Variants in ITGAM observed in about 807,000 individuals in gnomAD.
ITGAM encodes the protein integrin alpha-M.
Under a neutral mutation model 137.5 loss-of-function variants are expected in ITGAM, and 79 were observed. The ratio of observed to expected loss-of-function variants is 0.57; its 90% CI spans 0.48 to 0.69. ITGAM has a LOEUF of 0.69. Among genes scored for constraint, ITGAM ranks in the 30% least tolerant of loss-of-function variants. The pLI, the probability that ITGAM is intolerant of heterozygous loss-of-function variation, is 0.00. For missense variants in ITGAM, 1,343 were observed against 1,483.5 expected (o/e 0.91, Z 1.56); for synonymous variants, 583 against 592.3 (o/e 0.98, Z 0.23).
chr16:31,277,502 G>T (rs1454474779), intron 11 of ITGAM, among the ~76,000 whole-genome samples: 2 of 152,060 alleles, frequency 1.3e-5, no homozygotes, highest in Admixed American at 1.3e-4. Flanking sequence ...GGAATTACAG[G>T]CATGTGCCAC....
rs61202942 is a variant in ITGAM at position 31,298,204 on chromosome 16, C to CAAAA, written c.1707+271_1707+274dup. On this transcript the variant is annotated intron_variant, in intron 14 of 29. Coordinates refer to ENST00000544665, the MANE Select transcript of ITGAM (RefSeq NM_000632.4). ...GCAACATGGTGAGAACCCATCTCTC[C>CAAAA]AAAAAAAAAAAAAAAAAAAAAAAAT... 6.0e-3 allele frequency among the ~76,000 whole-genome samples: 463 copies of CAAAA among 77,626 alleles called. 2 individuals carry two copies. The highest frequency in any genetic ancestry group is 0.034 in the South Asian group (71 of 2,084). 50.9% of individuals were successfully genotyped at this position (77,626 alleles called of 152,430 possible). A position where few individuals can be genotyped will look rare whatever the true frequency, so the allele number is the denominator to read the frequency against.
intron 29 of ITGAM, 34 bp from the exon 30 acceptor site, chr16:31,331,602 G>A (rs1364347008): frequency 8.3e-6 from 13 of 1,563,240 alleles, no homozygotes; most frequent in Non-Finnish European, 1.1e-5. Flanking sequence ...CTCCCTGGCT[G>A]CTGTCGCTCT....
At chr16:31,312,556 G>A (rs531200412) in intron 14 of ITGAM, among the ~76,000 whole-genome samples, 1 of 152,088 alleles carries the variant, frequency 6.6e-6, no homozygotes, top group South Asian at 2.1e-4. Context: ...CCTCCTAAGT[G>A]TCTTTGACTG....
intron 2 of ITGAM, among the ~76,000 whole-genome samples, 200 bp downstream of exon 2, chr16:31,261,997 C>A (rs1312592851): frequency 6.6e-6 from 1 of 152,054 alleles, no homozygotes; most frequent in African/African-American, 2.4e-5. Flanking sequence ...TTCCTTACTC[C>A]CTTCCCCTAG....
At chr16:31,299,822 C>T (rs1232926589) in intron 14 of ITGAM, among the ~76,000 whole-genome samples, 4 of 137,368 alleles carry the variant, frequency 2.9e-5, no homozygotes, top group Non-Finnish European at 6.3e-5. Context: ...CCTCCCCCTC[C>T]TCCCCCTCCT....
intron 14 of ITGAM, among the ~76,000 whole-genome samples, chr16:31,303,620 C>T (rs2080237557): frequency 6.6e-6 from 1 of 152,138 alleles, no homozygotes; most frequent in African/African-American, 2.4e-5. Flanking sequence ...ACTCCCCTTC[C>T]CCAAGTCCTC....
chr16:31,310,267 C>T (rs2080311836), intron 14 of ITGAM, among the ~76,000 whole-genome samples: 1 of 152,190 alleles, frequency 6.6e-6, no homozygotes, highest in Non-Finnish European at 1.5e-5. Flanking sequence ...GGAAGTTCTC[C>T]TGGATAATAT....
intron 1 of ITGAM, 59 bp from the exon 2 acceptor site, chr16:31,261,633 C>T (rs1332368415): frequency 3.6e-6 from 4 of 1,100,718 alleles, no homozygotes; most frequent in African/African-American, 3.1e-5. Context: ...GCTAGGACTA[C>T]AGCCCCTAAC....
intron 12 of ITGAM, among the ~76,000 whole-genome samples, chr16:31,284,406 C>T (rs1448806985): frequency 6.6e-6 from 1 of 152,282 alleles, no homozygotes; most frequent in East Asian, 1.9e-4. Context: ...CTTTGTTTAC[C>T]TACTCAAGCC....
Position 31,297,831 on chromosome 16 carries a change from G to T in ITGAM, c.1584G>T (p.Gly528=). 6.2e-7 allele frequency: 1 copy of T among 1,613,914 alleles called. No homozygotes were observed. Among genetic ancestry groups the T allele is most frequent in the Non-Finnish European group, 8.5e-7 (1 of 1,179,898 alleles). Residue 528 remains glycine, a synonymous_variant, in exon 14 of 30, where the codon GGG becomes GGT. Coordinates refer to ENST00000544665, the MANE Select transcript of ITGAM (RefSeq NM_000632.4). ...TTGGGGCAGCCCTAACAGTGCTGGGGGACGTAAATGGGGACAAGCTGACGG... is the reference window on the plus strand; with the variant it reads ...TTGGGGCAGCCCTAACAGTGCTGGGTGACGTAAATGGGGACAAGCTGACGG... ...GRFGAALTVL[G]DVNGDKLTDV...
intron 14 of ITGAM, among the ~76,000 whole-genome samples, chr16:31,306,735 C>G (rs2080268698): frequency 6.6e-6 from 1 of 152,118 alleles, no homozygotes; most frequent in Non-Finnish European, 1.5e-5. Flanking sequence ...TGGTCTCGAA[C>G]TACTGACCTT....
At chr16:31,309,913 G>A (rs1044450670) in intron 14 of ITGAM, among the ~76,000 whole-genome samples, 12 of 152,114 alleles carry the variant, frequency 7.9e-5, no homozygotes, top group African/African-American at 2.4e-4. Context: ...CACTTATGAA[G>A]CTTAGTTTGG....
intron 12 of ITGAM, among the ~76,000 whole-genome samples, chr16:31,296,755 C>G (rs1332534166): frequency 6.6e-6 from 1 of 152,060 alleles, no homozygotes; most frequent in Non-Finnish European, 1.5e-5. Context: ...TCTCTATTAC[C>G]CAGCTGTGTG....
At chr16:31,267,056 C>T (rs545765208) in intron 5 of ITGAM, among the ~76,000 whole-genome samples, 5 of 152,004 alleles carry the variant, frequency 3.3e-5, no homozygotes, top group Non-Finnish European at 7.4e-5. Context: ...TTAGCAGAGA[C>T]GGGGTTTCAC....
intron 21 of ITGAM, among the ~76,000 whole-genome samples, chr16:31,326,109 C>T (rs1019454684): frequency 1.3e-5 from 2 of 152,116 alleles, no homozygotes; most frequent in African/African-American, 4.8e-5. Flanking sequence ...GTATACAGTT[C>T]AGTGGCTTTG....
In ITGAM at chr16:31,273,362, C is replaced by T. The variant is rs1288210034; in HGVS notation, c.705-3C>T. ...GACTTTGTCCCTCCTGTTTCCTGCA[C>T]AGACGAGAGCTGTTTAACATCACCA... On this transcript the variant is annotated splice_region_variant and splice_polypyrimidine_tract_variant and intron_variant, in intron 7 of 29. Coordinates refer to ENST00000544665, the MANE Select transcript of ITGAM (RefSeq NM_000632.4). 4 of 1,611,786 alleles carry T rather than the reference C, an allele frequency of 2.5e-6. No individual in the cohort carries two copies. In the African/African-American group the frequency reaches 4.0e-5, roughly 16 times the overall value.
At position 31,330,507 on chromosome 16, in the gene ITGAM, T is replaced by A. The variant is rs768091092; in HGVS notation, c.3178T>A (p.Ser1060Thr). The part of the protein sequence containing the change: ...NLSFDWYIKT[S>T]HNHLLIVSTA... ...GCCCACCCGCTCTCTTCCACAGACC[T>A]CGCATAACCACCTCCTGATCGTGAG... is the stretch of plus-strand genomic sequence containing the variant. Residue 1060 changes from serine (S) to threonine (T), a missense_variant, in exon 28 of 30, where the codon TCG (serine) becomes ACG (threonine). Transcript: ENST00000544665. 6.2e-6 allele frequency: 10 copies of A among 1,613,616 alleles called. No individual in the cohort carries two copies. The Admixed American group carries it at 8.3e-5, about 13-fold the overall frequency.
chr16:31,327,627 A>G (rs187436954), intron 22 of ITGAM, among the ~76,000 whole-genome samples: 2 of 151,768 alleles, frequency 1.3e-5, no homozygotes, highest in East Asian at 3.9e-4. Context: ...AATAAAAAAT[A>G]AAAGGGAAAA....
chr16:31,324,200 G>A lies in ITGAM; in HGVS notation c.2003-199G>A, dbSNP rs2080480656. On this transcript the variant is annotated intron_variant, in intron 16 of 29. Coordinates refer to ENST00000544665, the MANE Select transcript of ITGAM (RefSeq NM_000632.4). This position sits in a 1 kb window ranked among gnomAD's most constrained non-coding sequence, Gnocchi z 4.5. The stretch of plus-strand genomic sequence containing the variant: ...AAGGAAAGGAAAGGAAAAAAGGAAG[G>A]AAGGAAGGAAAGGGAGGAAGAGAGC... 6.6e-6 allele frequency among the ~76,000 whole-genome samples: 1 copy of A among 151,564 alleles called. No individual in the cohort carries two copies. The highest frequency in any genetic ancestry group is 2.4e-5 in the African/African-American group (1 of 41,250).
Sources: gnomAD v4.1 joint callset for allele counts (sites outside exome capture counted in the v4.1 genomes callset) on GRCh38, gnomAD v4.1.1 for gene constraint, Gnocchi (gnomAD v3.1) non-coding constraint, MANE v1.5 for transcripts, NCBI Gene and HGNC (gene_info 2026-07-23, HGNC 2026-07-21) for gene names.